GEMIN5: variants seen among roughly 807,000 people sequenced by gnomAD.
The protein encoded by GEMIN5 is gem nuclear organelle associated protein 5.
In GEMIN5, 124 loss-of-function variants were observed where a neutral mutation model predicts 176.9. That is an observed-to-expected ratio of 0.70 (90% CI 0.61 to 0.81). The LOEUF is 0.81. GEMIN5 is among the 40% of genes least tolerant of loss of function. The pLI, the probability that GEMIN5 is intolerant of heterozygous loss-of-function variation, is 0.00. For synonymous variants in GEMIN5, 673 were observed against 665.2 expected (o/e 1.01, Z -0.18); for missense variants, 1,843 against 1,814.6 (o/e 1.02, Z -0.28).
intron 22 of GEMIN5, 27 bp from the exon 23 acceptor site, chr5:154,898,677 A>C: frequency 1.3e-6 from 2 of 1,492,220 alleles, no homozygotes; most frequent in Non-Finnish European, 1.9e-6. Context: ...AATGTGAAGA[A>C]AATGTCACAA....
chr5:154,902,207 G>A (rs980631358), intron 20 of GEMIN5, among the ~76,000 whole-genome samples: 1 of 151,984 alleles, frequency 6.6e-6, no homozygotes, highest in Admixed American at 6.6e-5. Flanking sequence ...AGGTCTGAAC[G>A]CCTAGCCTTA....
chr5:154,932,667 A>T (rs1351277310), intron 3 of GEMIN5, among the ~76,000 whole-genome samples: 1 of 152,160 alleles, frequency 6.6e-6, no homozygotes, highest in Non-Finnish European at 1.5e-5. Flanking sequence ...GGCTCAAGCA[A>T]TCCTCCCACC....
rs1763889088 is a variant in GEMIN5 at position 154,919,953 on chromosome 5, CCACAAGAACT to C, written c.1599+4_1599+13del. The stretch of plus-strand genomic sequence containing the variant: ...GATGTAAAAAGAAAATACTTCAGGA[CCACAAGAACT>C]CACTTTGATTGAATTGGTGTCCCTG... On this transcript the variant is annotated splice_donor_5th_base_variant and intron_variant, in intron 11 of 27. Transcript: ENST00000285873. 6.2e-7 allele frequency: 1 copy of C among 1,610,504 alleles called. No individual in the cohort carries two copies. The highest frequency in any genetic ancestry group is 1.3e-5 in the African/African-American group (1 of 74,752).
chr5:154,925,792 TGAACAGGCATAAAAGA>T, intron 8 of GEMIN5, 54 bp downstream of exon 8: 1 of 833,898 alleles, frequency 1.2e-6, no homozygotes, highest in Non-Finnish European at 2.0e-6. Context: ...CGCATTTAAA[TGAACAGGCATAAAAGA>T]GAATTATTTG....
At chr5:154,912,081 G>C (rs765221241) in intron 14 of GEMIN5, among the ~76,000 whole-genome samples, 183 bp from the exon 15 acceptor site, 6 of 152,220 alleles carry the variant, frequency 3.9e-5, no homozygotes, top group Admixed American at 1.3e-4. Context: ...TCCTGTGAGA[G>C]ACTTCTGTGC....
Position 154,937,166 on chromosome 5 carries a change from T to A in GEMIN5, c.186A>T (p.Gly62=). ...PPFRVIGELV[G]HTERVSGFTF... ...TGAAGCCAGAGACCCTTTCGGTGTGTCCCACCAACTCTCCTATGACTTTAA... is the reference window on the plus strand; with the variant it reads ...TGAAGCCAGAGACCCTTTCGGTGTGACCCACCAACTCTCCTATGACTTTAA... Residue 62 remains glycine (G), a synonymous_variant, in exon 2 of 28, where the codon GGA becomes GGT. Transcript: ENST00000285873. 6.2e-7 allele frequency: 1 copy of A among 1,610,712 alleles called. No individual in the cohort carries two copies. Among genetic ancestry groups the A allele is most frequent in the Non-Finnish European group, 8.5e-7 (1 of 1,177,886 alleles).
intron 23 of GEMIN5, among the ~76,000 whole-genome samples, 199 bp from the exon 24 acceptor site, chr5:154,896,542 T>C (rs899850371): frequency 6.6e-6 from 1 of 152,172 alleles, no homozygotes; most frequent in African/African-American, 2.4e-5. Context: ...CAGGTCCCTT[T>C]TGGGGGAAAT....
At chr5:154,913,972 C>G (rs1763759968) in intron 13 of GEMIN5, among the ~76,000 whole-genome samples, 1 of 152,080 alleles carries the variant, frequency 6.6e-6, no homozygotes, top group African/African-American at 2.4e-5. Flanking sequence ...CTACACTCCA[C>G]CCTGAACAAT....
chr5:154,911,592 T>C (rs1057072776), intron 15 of GEMIN5, 135 bp downstream of exon 15: 21 of 667,258 alleles, frequency 3.1e-5, no homozygotes, highest in Admixed American at 2.6e-4. Flanking sequence ...TTGTGGCTGC[T>C]TTCTTGCTTA....
At position 154,919,966 on chromosome 5, in the gene GEMIN5, C is replaced by G; in HGVS notation, c.1599+1G>C. ...AATACTTCAGGACCACAAGAACTCA[C>G]TTTGATTGAATTGGTGTCCCTGATG... is the stretch of plus-strand genomic sequence containing the variant. On this transcript the variant is annotated splice_donor_variant, in intron 11 of 27. Transcript: ENST00000285873. LOFTEE classifies it high-confidence loss of function. 1 of 1,612,750 alleles carries G rather than the reference C, an allele frequency of 6.2e-7. No individual in the cohort carries two copies. Among genetic ancestry groups the G allele is most frequent in the Non-Finnish European group, 8.5e-7 (1 of 1,179,434 alleles).
rs1764283417 is a variant in GEMIN5 at position 154,937,008 on chromosome 5, C to G, written c.327+17G>C. The G allele has an allele frequency of 6.3e-7, 1 of 1,598,024 alleles. No homozygotes were observed. ...AGATAGATAAAAACGGTTTGAGAAA[C>G]CAGTAAGCCATGGTACCTGATGGAG... On this transcript the variant is annotated intron_variant, in intron 2 of 27. Coordinates refer to ENST00000285873, the MANE Select transcript of GEMIN5 (RefSeq NM_015465.5).
chr5:154,925,375 T>C (rs1054070318), intron 8 of GEMIN5, among the ~76,000 whole-genome samples: 45 of 152,306 alleles, frequency 3.0e-4, no homozygotes, highest in African/African-American at 1.0e-3. Context: ...TTTTAAACCA[T>C]AAAAATTTAT....
chr5:154,938,104 G>C lies in GEMIN5; in HGVS notation c.30C>G (p.Pro10=). The C allele has an allele frequency of 1.4e-6, 2 of 1,417,770 alleles. No individual in the cohort carries two copies. Among genetic ancestry groups the C allele is most frequent in the Non-Finnish European group, 1.8e-6 (2 of 1,083,194 alleles). 87.8% of individuals were successfully genotyped at this position (1,417,770 alleles called of 1,614,324 possible). A position where few individuals can be genotyped will look rare whatever the true frequency, so the allele number is the denominator to read the frequency against. Residue 10 remains proline (P), a synonymous_variant, in exon 1 of 28, where the codon CCC becomes CCG. Transcript: ENST00000285873. MGQEPRTLP[P]SPNWYCARCS... ...AGCGGGCGCAGTACCAGTTGGGGGA[G>C]GGCGGCAGCGTCCGCGGCTCCTGCC...
Position 154,926,020 on chromosome 5 carries a change from C to G in GEMIN5, c.1135G>C (p.Gly379Arg), listed in dbSNP as rs778058133. The G allele has an allele frequency of 1.9e-6, 3 of 1,613,626 alleles. No homozygotes were observed. The highest frequency in any genetic ancestry group is 2.5e-6 in the Non-Finnish European group (3 of 1,179,762). ...AAAGCCAGGCTGTATGCAAACCCAC[C>G]AAGGGAAGGAAGGGTCCAGCTGCAC... Reference protein sequence around the residue: ...LECSWTLPSLGGFAYSLAFSS... With the variant: ...LECSWTLPSLRGFAYSLAFSS... The change falls in exon 8 of 28, where the codon GGT becomes CGT. Residue 379 changes from glycine (G) to arginine (R), a missense_variant. Gly to Arg is a moderately radical substitution (Grantham distance 125). Coordinates refer to ENST00000285873, the MANE Select transcript of GEMIN5 (RefSeq NM_015465.5).
intron 5 of GEMIN5, among the ~76,000 whole-genome samples, chr5:154,928,873 A>C (rs1764100437): frequency 6.6e-6 from 1 of 152,182 alleles, no homozygotes; most frequent in Non-Finnish European, 1.5e-5. Flanking sequence ...GTCTAGCTAC[A>C]TTTAGGTCAA....
Position 154,912,813 on chromosome 5 carries a change from G to A in GEMIN5, c.1995+86C>T, listed in dbSNP as rs1168463882. ...GTAGATGATGATAATGGGGGAGGGG[G>A]AACCTGTTCACAACTGGGGGAAAAG... On this transcript the variant is annotated intron_variant, in intron 14 of 27. Transcript: ENST00000285873. The A allele has an allele frequency of 3.4e-6, 4 of 1,160,908 alleles. No individual in the cohort carries two copies. In the Admixed American group the frequency reaches 6.7e-5, roughly 19 times the overall value. 71.9% of individuals were successfully genotyped at this position (1,160,908 alleles called of 1,614,324 possible). A position where few individuals can be genotyped will look rare whatever the true frequency, so the allele number is the denominator to read the frequency against.
intron 7 of GEMIN5, 133 bp downstream of exon 7, chr5:154,927,252 T>C (rs1219830034): frequency 3.4e-6 from 2 of 587,096 alleles, no homozygotes; most frequent in Non-Finnish European, 6.2e-6. Context: ...AGTGCTGATC[T>C]GTAGCAGTAA....
At chr5:154,911,102 G>A (rs1299215912) in intron 15 of GEMIN5, among the ~76,000 whole-genome samples, 2 of 152,056 alleles carry the variant, frequency 1.3e-5, no homozygotes, top group South Asian at 2.1e-4. Context: ...TTTGAGTACT[G>A]CCTTCCTTTC....
chr5:154,897,393 C>T (rs1348595203), intron 23 of GEMIN5, among the ~76,000 whole-genome samples: 1 of 152,186 alleles, frequency 6.6e-6, no homozygotes, highest in Non-Finnish European at 1.5e-5. Flanking sequence ...ATGCTTTAAT[C>T]TGTTTTGATG....
Sources: allele counts gnomAD v4.1 joint callset (sites outside exome capture counted in the v4.1 genomes callset), GRCh38; gene constraint gnomAD v4.1.1; transcripts MANE v1.5; gene names NCBI Gene and HGNC (gene_info 2026-07-23, HGNC 2026-07-21).